Variants in ASPM observed in about 807,000 individuals in gnomAD.
The protein encoded by ASPM is abnormal spindle-like microcephaly-associated protein.
Under a neutral mutation model 366.4 loss-of-function variants are expected in ASPM, and 256 were observed. That is an observed-to-expected ratio of 0.70 (90% CI 0.63 to 0.77). The LOEUF is 0.77. ASPM is among the 30% of genes least tolerant of loss of function. The probability of loss-of-function intolerance (pLI) is 0.00; values close to 1 mark genes in which losing one functional copy is unlikely to be tolerated. For missense variants in ASPM, 4,146 were observed against 4,090.4 expected (o/e 1.01, Z -0.37); for synonymous variants, 1,414 against 1,342.9 (o/e 1.05, Z -1.16).
In ASPM at chr1:197,143,073, A is replaced by T. The variant is rs762002029; in HGVS notation, c.1179T>A (p.Pro393=). 1 of 1,612,954 alleles carries T rather than the reference A, an allele frequency of 6.2e-7. No homozygotes were observed. Among genetic ancestry groups the T allele is most frequent in the Non-Finnish European group, 8.5e-7 (1 of 1,178,992 alleles). The part of the protein sequence containing the change: ...ESESVNPILS[P]NQFLKDNMAY... The stretch of plus-strand genomic sequence containing the variant: ...CCATGTTATCTTTTAAAAATTGATT[A>T]GGGGATAAAATAGGATTAACTGACT... The change falls in exon 3 of 28, where the codon CCT becomes CCA. Residue 393 remains proline (P), a synonymous_variant. Coordinates refer to ENST00000367409, the MANE Select transcript of ASPM (RefSeq NM_018136.5).
intron 22 of ASPM, among the ~76,000 whole-genome samples, chr1:197,091,480 G>GT (rs1418282071): frequency 6.6e-6 from 1 of 151,718 alleles, no homozygotes; most frequent in Admixed American, 6.6e-5. Context: ...AGAAAAAGAT[G>GT]TTAAAAAAAA....
chr1:197,127,265 T>G (rs185254105), intron 10 of ASPM, among the ~76,000 whole-genome samples: 5 of 152,334 alleles, frequency 3.3e-5, no homozygotes, highest in African/African-American at 7.2e-5. Context: ...AATTTTAACA[T>G]GAAGACTGCC....
intron 19 of ASPM, among the ~76,000 whole-genome samples, chr1:197,094,693 A>T (rs913520488): frequency 3.6e-4 from 54 of 151,758 alleles, no homozygotes; most frequent in African/African-American, 1.3e-3. Flanking sequence ...CTGGAGAAAA[A>T]TTTTAAAAAA....
intron 18 of ASPM, among the ~76,000 whole-genome samples, chr1:197,097,984 G>GTA (rs960679060): frequency 5.5e-5 from 8 of 146,218 alleles, no homozygotes; most frequent in Admixed American, 1.4e-4. Context: ...ATACGTGTGT[G>GTA]TATATATATA....
chr1:197,114,029 T>TAGTGTCTACTAA (rs60334053), intron 17 of ASPM, among the ~76,000 whole-genome samples: 118,471 of 151,596 alleles, frequency 0.78, 49,558 homozygotes, highest in East Asian at 1. Flanking sequence ...AACTCTTGGA[T>TAGTGTCTACTAA]AGTTGAAATA....
rs747789650 is a variant in ASPM at position 197,144,064 on chromosome 1, G to A, written c.334C>T (p.Pro112Ser). The change falls in exon 2 of 28, where the codon CCA becomes TCA. Residue 112 changes from proline to serine, a missense_variant. Pro to Ser is a moderately conservative substitution (Grantham distance 74, BLOSUM62 -1). Around this residue, in one of 3 missense-constraint regions of ASPM, gnomAD observed 512 missense variants for 471.7 expected, o/e 1.09. Transcript: ENST00000367409. ...TCTCTTACTCGGCCTTCTTTGAGTG[G>A]TGTCCAGTTAACAGAAATAACAATT... ...EKIVISVNWT[P>S]LKEGRVREIM... The A allele has an allele frequency of 1.7e-5, 27 of 1,608,138 alleles. No homozygotes were observed. Among genetic ancestry groups the A allele is most frequent in the South Asian group, 5.5e-5 (5 of 90,904 alleles).
At chr1:197,121,222 T>C (rs1004759426) in intron 16 of ASPM, among the ~76,000 whole-genome samples, 1 of 152,118 alleles carries the variant, frequency 6.6e-6, no homozygotes, top group Non-Finnish European at 1.5e-5. Context: ...TTGTTCAACT[T>C]GATCAAGGAG....
intron 16 of ASPM, 109 bp downstream of exon 16, chr1:197,121,806 T>C: frequency 4.5e-6 from 6 of 1,337,658 alleles, no homozygotes; most frequent in Non-Finnish European, 6.3e-6. Flanking sequence ...ACTAAATTTA[T>C]CTTAATAATG....
In ASPM at chr1:197,139,627, C is replaced by G. The variant is rs1369379586; in HGVS notation, c.2026+140G>C. The G allele has an allele frequency of 5.3e-6, 4 of 752,628 alleles. 1 individual carries two copies. In the African/African-American group the frequency reaches 6.9e-5, roughly 13 times the overall value. The allele number at this position is 752,628 out of a possible 1,614,324, so 46.6% of individuals were successfully genotyped here. A position where few individuals can be genotyped will look rare whatever the true frequency, so the allele number is the denominator to read the frequency against. ...ATCAAACAGAAAGTTGACACAATAT[C>G]CTGTCATTTTAATACACACTTTAAC... On this transcript the variant is annotated intron_variant, in intron 4 of 27. Transcript: ENST00000367409.
intron 17 of ASPM, among the ~76,000 whole-genome samples, chr1:197,116,168 C>T (rs1318591068): frequency 2.6e-5 from 4 of 152,128 alleles, no homozygotes; most frequent in Non-Finnish European, 5.9e-5. Context: ...GTTATGGGAA[C>T]AGCTTATTTC....
rs766341341 is a variant in ASPM, at chr1:197,102,355, T to C, written c.6896A>G (p.His2299Arg). ...AILIQRKYRA[H>R]LCTKHHLQFL... is the part of the protein sequence containing the mutation. ...CTGTAAGTGATGCTTTGTACAAAGA[T>C]GTGCCCGATATTTTCTCTGAATCAA... Residue 2299 changes from histidine (H) to arginine (R), a missense_variant, in exon 18 of 28, where the codon CAT (histidine) becomes CGT (arginine). His to Arg is a conservative substitution (Grantham distance 29). This residue lies in a region of ASPM where 3,624 missense variants were observed against 3,591.7 expected (regional missense o/e 1.01). Coordinates refer to ENST00000367409, the MANE Select transcript of ASPM (RefSeq NM_018136.5). 16 of 1,612,854 alleles carry C rather than the reference T, an allele frequency of 9.9e-6. No homozygotes were observed. Among genetic ancestry groups the C allele is most frequent in the Non-Finnish European group, 1.4e-5 (16 of 1,179,262 alleles).
intron 17 of ASPM, among the ~76,000 whole-genome samples, chr1:197,105,781 G>T (rs970573878): frequency 6.6e-6 from 1 of 151,936 alleles, no homozygotes; most frequent in Non-Finnish European, 1.5e-5. Flanking sequence ...TAGAATTCTA[G>T]AAAGACTTGA....
chr1:197,126,567 C>T (rs541321571), intron 10 of ASPM, among the ~76,000 whole-genome samples: 1 of 151,798 alleles, frequency 6.6e-6, no homozygotes, highest in East Asian at 1.9e-4. Context: ...TCCTATTGGC[C>T]AGAATATTGA....
At chr1:197,096,277 T>C (rs1417264933) in intron 18 of ASPM, 113 bp from the exon 19 acceptor site, 2 of 918,830 alleles carry the variant, frequency 2.2e-6, no homozygotes, top group African/African-American at 1.6e-5. Flanking sequence ...CAAAAATAAA[T>C]TGCATAGTCA....
chr1:197,125,308 G>A, intron 10 of ASPM, 117 bp from the exon 11 acceptor site: 1 of 1,260,010 alleles, frequency 7.9e-7, no homozygotes, highest in South Asian at 1.3e-5. Flanking sequence ...TTTATGATCA[G>A]AAAGACTTCA....
Position 197,101,050 on chromosome 1 carries a change from T to A in ASPM, c.8201A>T (p.Asn2734Ile), listed in dbSNP as rs370826202. ...TACAGATTTCTGAACTGCTAAAAAG[T>A]TTTTTCTTTCTGTTTTTACTCTAAC... Reference protein sequence around the residue: ...LYVRVKTERKNFLAVQKSVRT... With the variant: ...LYVRVKTERKIFLAVQKSVRT... The change falls in exon 18 of 28, where the codon AAC becomes ATC. Residue 2734 changes from asparagine (N) to isoleucine (I), a missense_variant. Transcript: ENST00000367409. 5.6e-6 allele frequency: 9 copies of A among 1,611,472 alleles called. No individual in the cohort carries two copies. Among genetic ancestry groups the A allele is most frequent in the Non-Finnish European group, 7.6e-6 (9 of 1,178,820 alleles).
intron 18 of ASPM, among the ~76,000 whole-genome samples, chr1:197,097,761 G>C (rs908661709): frequency 2.6e-5 from 4 of 151,630 alleles, no homozygotes; most frequent in Non-Finnish European, 5.9e-5. Flanking sequence ...CTGGTTAATG[G>C]TAACACTGCA....
chr1:197,090,100 AACAC>A lies in ASPM; in HGVS notation c.9830-20_9830-17del, dbSNP rs749305180. ...GTAACTACCTCTGAAAGAAAAAAAA[AACAC>A]ACACACACAGGTAAATTTACAGCAA... On this transcript the variant is annotated splice_polypyrimidine_tract_variant and intron_variant, in intron 24 of 27. Coordinates refer to ENST00000367409, the MANE Select transcript of ASPM (RefSeq NM_018136.5). The A allele has an allele frequency of 2.0e-5, 33 of 1,610,824 alleles. No individual in the cohort carries two copies. Among genetic ancestry groups the A allele is most frequent in the Admixed American group, 3.3e-5 (2 of 59,920 alleles).
At chr1:197,144,593 T>C (rs560771377) in intron 1 of ASPM, among the ~76,000 whole-genome samples, 1 of 152,284 alleles carries the variant, frequency 6.6e-6, no homozygotes, top group East Asian at 1.9e-4. Context: ...AGTGCAGGTA[T>C]CCTGTAAAAC....
Sources: gnomAD v4.1 joint callset for allele counts (sites outside exome capture counted in the v4.1 genomes callset) on GRCh38, gnomAD v4.1.1 for gene constraint, gnomAD v4.1.1 regional missense constraint, MANE v1.5 for transcripts, NCBI Gene and HGNC (gene_info 2026-07-23, HGNC 2026-07-21) for gene names.